PGM2L1: variants seen among roughly 807,000 people sequenced by gnomAD.
PGM2L1 encodes phosphoglucomutase 2 like 1.
A neutral mutation model predicts 73.4 loss-of-function variants in PGM2L1; 35 were observed. The ratio of observed to expected loss-of-function variants is 0.48; its 90% CI spans 0.36 to 0.63. The LOEUF (loss-of-function observed/expected upper bound fraction) is 0.63. Ranked by LOEUF, PGM2L1 falls within the 30% of genes least tolerant of loss-of-function variation. PGM2L1 has a pLI of 0.00. For synonymous variants in PGM2L1, 225 were observed against 253.8 expected (o/e 0.89, Z 1.08); for missense variants, 570 against 742.0 (o/e 0.77, Z 2.69).
chr11:74,373,801 A>T (rs1459859567), intron 2 of PGM2L1, among the ~76,000 whole-genome samples: 1 of 152,198 alleles, frequency 6.6e-6, no homozygotes, highest in Non-Finnish European at 1.5e-5. Flanking sequence ...TATTAATTGG[A>T]TATGCTAATA....
chr11:74,363,143 G>A (rs1862593296), intron 5 of PGM2L1, among the ~76,000 whole-genome samples: 1 of 152,148 alleles, frequency 6.6e-6, no homozygotes, highest in South Asian at 2.1e-4. Flanking sequence ...TGACTACTGG[G>A]TACATAATGA....
intron 5 of PGM2L1, among the ~76,000 whole-genome samples, chr11:74,358,654 C>T (rs985583722): frequency 6.6e-6 from 1 of 152,156 alleles, no homozygotes; most frequent in African/African-American, 2.4e-5. Flanking sequence ...TCTGGGAGGC[C>T]AAGGCAGGAG....
intron 5 of PGM2L1, among the ~76,000 whole-genome samples, chr11:74,359,453 A>C (rs1456882245): frequency 6.6e-6 from 1 of 151,994 alleles, no homozygotes; most frequent in East Asian, 1.9e-4. Flanking sequence ...ACACACATAC[A>C]TATTTTTTTC....
intron 6 of PGM2L1, among the ~76,000 whole-genome samples, chr11:74,350,452 CT>C (rs1429586855): frequency 1.3e-5 from 2 of 152,118 alleles, no homozygotes. Flanking sequence ...TGTTTAACAG[CT>C]TTTTTGAGAT....
intron 1 of PGM2L1, among the ~76,000 whole-genome samples, chr11:74,376,446 A>AGT (rs1269702800): frequency 1.3e-5 from 2 of 151,352 alleles, no homozygotes; most frequent in Admixed American, 1.3e-4. Flanking sequence ...TAACAAGTAT[A>AGT]GTGTGTGTGT....
Position 74,345,640 on chromosome 11 carries a change from C to G in PGM2L1, c.1047G>C (p.Trp349Cys), listed in dbSNP as rs1226587746. Reference protein sequence around the residue: ...AAAELQENGCWKVFTGNELAA... With the variant: ...AAAELQENGCCKVFTGNELAA... ...CCAACTCATTCCCTGTGAAAACTTT[C>G]CAACAACCACTGTAGAGAGAAGGAA... Residue 349 changes from tryptophan (W) to cysteine (C), a missense_variant, in exon 9 of 14, where the codon TGG becomes TGC. Coordinates refer to ENST00000298198, the MANE Select transcript of PGM2L1 (RefSeq NM_173582.6). The G allele has an allele frequency of 6.2e-7, 1 of 1,613,442 alleles. No individual in the cohort carries two copies. Among genetic ancestry groups the G allele is most frequent in the Admixed American group, 1.7e-5 (1 of 60,002 alleles).
In PGM2L1 at chr11:74,348,797, G is replaced by A. The variant is rs1862306377; in HGVS notation, c.750-1460C>T. ...CCAGTATGTAGACTGCATCCTTTTG[G>A]TATTAACATGCTCTTCTATCCTATT... On this transcript the variant is annotated intron_variant, in intron 6 of 13. Transcript: ENST00000298198. Among the ~76,000 whole-genome samples, 3 of 152,190 alleles carry A rather than the reference G, an allele frequency of 2.0e-5. No homozygotes were observed. The South Asian group carries it at 6.2e-4, about 32-fold the overall frequency.
chr11:74,355,325 G>A (rs1055311258), intron 5 of PGM2L1: 11 of 738,294 alleles, frequency 1.5e-5, no homozygotes, highest in Non-Finnish European at 2.4e-5. Flanking sequence ...AGGCTGAGGT[G>A]GGTGGATCAC....
intron 5 of PGM2L1, chr11:74,354,889 T>C: frequency 1.2e-6 from 1 of 861,546 alleles, no homozygotes; most frequent in South Asian, 1.3e-5. Flanking sequence ...AGGGGCTTTG[T>C]CTTTGTAACC....
chr11:74,374,347 G>A (rs1862824424), intron 2 of PGM2L1, 68 bp downstream of exon 2: 2 of 1,341,106 alleles, frequency 1.5e-6, no homozygotes, highest in South Asian at 1.7e-5. Context: ...CTCCCAAACT[G>A]CTGGGATTAC....
At chr11:74,339,300 A>T (rs1040557000) in intron 12 of PGM2L1, among the ~76,000 whole-genome samples, 2 of 152,198 alleles carry the variant, frequency 1.3e-5, no homozygotes, top group Non-Finnish European at 2.9e-5. Context: ...TATAAAAATT[A>T]AAAAAAGAAG....
chr11:74,373,959 A>T (rs1005020586), intron 2 of PGM2L1, among the ~76,000 whole-genome samples: 4 of 148,214 alleles, frequency 2.7e-5, no homozygotes, highest in African/African-American at 9.8e-5. Context: ...GTCAGAATTG[A>T]GTCTACAGTT....
Position 74,341,502 on chromosome 11 carries a change from G to A in PGM2L1, c.1632+959C>T, listed in dbSNP as rs180817116. 1.9e-3 allele frequency among the ~76,000 whole-genome samples: 287 copies of A among 152,090 alleles called. 2 individuals are homozygous for A. Among genetic ancestry groups the A allele is most frequent in the Middle Eastern group, 6.8e-3 (2 of 294 alleles). ...GGGTCAGGAGTTCAAGACCAGCCTG[G>A]CCAACATGGTGAAACTCTGTCTCTA... On this transcript the variant is annotated intron_variant, in intron 12 of 13. Coordinates refer to ENST00000298198, the MANE Select transcript of PGM2L1 (RefSeq NM_173582.6).
intron 6 of PGM2L1, among the ~76,000 whole-genome samples, chr11:74,349,086 A>G (rs1862310014): frequency 6.6e-6 from 1 of 152,228 alleles, no homozygotes; most frequent in African/African-American, 2.4e-5. Flanking sequence ...AGGTCACAAC[A>G]TAGTGATTTT....
Position 74,347,325 on chromosome 11 carries a change from C to T in PGM2L1, c.762G>A (p.Ser254=), listed in dbSNP as rs1433185026. The change falls in exon 7 of 14, where the codon TCG becomes TCA. Residue 254 remains serine (S), a synonymous_variant. Coordinates refer to ENST00000298198, the MANE Select transcript of PGM2L1 (RefSeq NM_173582.6). ...KKICFYRELN[S]KTTLKFVHTS... is the part of the protein sequence containing the mutation. ...TGTGCACAAATTTCAAGGTGGTCTT[C>T]GAGTTTAACTCCCTGTAAAGGAAAA... The T allele has an allele frequency of 7.5e-6, 12 of 1,595,154 alleles. No homozygotes were observed. The highest frequency in any genetic ancestry group is 4.6e-5 in the South Asian group (4 of 86,482).
chr11:74,386,468 C>CA (rs1220601763), intron 1 of PGM2L1, among the ~76,000 whole-genome samples: 183 of 139,124 alleles, frequency 1.3e-3, no homozygotes, highest in South Asian at 3.4e-3. Context: ...CAATATCTGT[C>CA]AAAAAAAAAA....
chr11:74,347,423 A>G, intron 6 of PGM2L1, 86 bp from the exon 7 acceptor site: 1 of 1,071,968 alleles, frequency 9.3e-7, no homozygotes, highest in Non-Finnish European at 1.3e-6. Flanking sequence ...TGATTTGAAA[A>G]TGTGATTAAA....
intron 5 of PGM2L1, among the ~76,000 whole-genome samples, chr11:74,359,475 G>A (rs1862518650): frequency 6.6e-6 from 1 of 150,668 alleles, no homozygotes; most frequent in African/African-American, 2.5e-5. Flanking sequence ...TAATATACAA[G>A]CACAAGGTTA....
intron 6 of PGM2L1, among the ~76,000 whole-genome samples, chr11:74,348,366 A>AT (rs1316450889): frequency 1.3e-5 from 2 of 152,228 alleles, no homozygotes; most frequent in African/African-American, 2.4e-5. Context: ...ATTTTCAAAC[A>AT]TATGCATAGG....
Sources: gnomAD v4.1 joint callset for allele counts (sites outside exome capture counted in the v4.1 genomes callset) on GRCh38, gnomAD v4.1.1 for gene constraint, MANE v1.5 for transcripts, NCBI Gene and HGNC (gene_info 2026-07-23, HGNC 2026-07-21) for gene names.